Variants in PTBP3 observed in about 807,000 individuals in gnomAD.
PTBP3 encodes polypyrimidine tract-binding protein 3.
A neutral mutation model predicts 58.7 loss-of-function variants in PTBP3; 20 were observed. The observed-to-expected ratio is 0.34, with a 90% CI of 0.24 to 0.50. The LOEUF is 0.50. Among genes scored for constraint, PTBP3 ranks in the 20% least tolerant of loss-of-function variants. PTBP3 has a pLI of 0.98. For missense variants in PTBP3, 509 were observed against 637.2 expected (o/e 0.80, Z 2.17); for synonymous variants, 185 against 219.8 (o/e 0.84, Z 1.40).
In PTBP3 at chr9:112,321,019, T is replaced by C. The variant is rs73543892; in HGVS notation, c.-52+12451A>G. On this transcript the variant is annotated intron_variant, in intron 1 of 13. Coordinates refer to ENST00000374257, the MANE Select transcript of PTBP3 (RefSeq NM_001163788.4). ...TAACCTAAAAGGAAAAGAAATTAAATGTATCAAAATTAAATTCTTCTATTT... is the reference window on the plus strand; with the variant it reads ...TAACCTAAAAGGAAAAGAAATTAAACGTATCAAAATTAAATTCTTCTATTT... Among the ~76,000 whole-genome samples, 45 of 152,222 alleles carry C rather than the reference T, an allele frequency of 3.0e-4. 1 individual carries two copies. The highest frequency in any genetic ancestry group is 1.1e-3 in the African/African-American group (44 of 41,540).
the PTBP3 span, among the ~76,000 whole-genome samples, chr9:112,371,645 G>A: frequency 2.4e-5 from 2 of 83,988 alleles, no homozygotes; most frequent in African/African-American, 1.2e-4. Context: ...GTTTTTAGTA[G>A]ATTTTTTTTT....
the PTBP3 span, among the ~76,000 whole-genome samples, chr9:112,357,843 G>C: frequency 6.6e-6 from 1 of 152,088 alleles, no homozygotes; most frequent in African/African-American, 2.4e-5. Flanking sequence ...TTTGCCTCCA[G>C]AGGACATTTG....
At chr9:112,346,838 C>T in the PTBP3 span, among the ~76,000 whole-genome samples, 1 of 152,170 alleles carries the variant, frequency 6.6e-6, no homozygotes, top group Non-Finnish European at 1.5e-5. Flanking sequence ...ATTCTCCTGC[C>T]TCAGCCTCCT....
rs541304446 is a variant in PTBP3 at position 112,221,107 on chromosome 9, T to C, written c.*2744A>G. 139 of 985,640 alleles carry C rather than the reference T, an allele frequency of 1.4e-4. 1 individual carries two copies. In the South Asian group the frequency reaches 5.6e-3, roughly 40 times the overall value. 61.1% of individuals were successfully genotyped at this position (985,640 alleles called of 1,614,324 possible). A position where few individuals can be genotyped will look rare whatever the true frequency, so the allele number is the denominator to read the frequency against. ...AACATCCATGTGCTACAGCTAATTT[T>C]AGACACAAACTGATGGTTTCAAACA... On this transcript the variant is annotated 3_prime_UTR_variant, in exon 14 of 14. Transcript: ENST00000374257.
intron 2 of PTBP3, among the ~76,000 whole-genome samples, chr9:112,278,245 G>A (rs1827710401): frequency 6.6e-6 from 1 of 152,156 alleles, no homozygotes; most frequent in African/African-American, 2.4e-5. Context: ...GGCTTACATG[G>A]ATTGAGAATA....
chr9:112,295,368 T>G (rs1012257663), intron 2 of PTBP3, among the ~76,000 whole-genome samples: 2 of 151,578 alleles, frequency 1.3e-5, no homozygotes, highest in Non-Finnish European at 2.9e-5. Flanking sequence ...ATGCCTGTCA[T>G]TCCCATCATT....
intron 1 of PTBP3, chr9:112,330,345 T>C: frequency 3.1e-6 from 3 of 958,544 alleles, no homozygotes; most frequent in Non-Finnish European, 4.8e-6. Flanking sequence ...TTAAAGACTT[T>C]TACACAATAA....
downstream of PTBP3, chr9:112,218,318 T>A (rs910132589): frequency 1.3e-5 from 2 of 152,358 alleles, no homozygotes; most frequent in Non-Finnish European, 2.9e-5. Context: ...TGCTCACTAT[T>A]CACTAACCAT....
At chr9:112,232,014 G>C (rs3983404) in intron 9 of PTBP3, 85 bp downstream of exon 9, 1 of 584,118 alleles carries the variant, frequency 1.7e-6, no homozygotes, top group African/African-American at 6.0e-5. Context: ...GAGAAGAGAA[G>C]AGAAGAAAAG....
intron 1 of PTBP3, among the ~76,000 whole-genome samples, chr9:112,308,902 G>A (rs1459971969): frequency 6.6e-6 from 1 of 152,084 alleles, no homozygotes; most frequent in South Asian, 2.1e-4. Flanking sequence ...TGAAGCTCTC[G>A]CCTGCTGATG....
the PTBP3 span, among the ~76,000 whole-genome samples, chr9:112,339,290 C>CAAAAAAAAAA: frequency 4.2e-5 from 3 of 71,714 alleles, no homozygotes; most frequent in Non-Finnish European, 7.8e-5. Flanking sequence ...GACTCTGTCT[C>CAAAAAAAAAA]AAAAAAAAAA....
chr9:112,374,146 G>C, the PTBP3 span, among the ~76,000 whole-genome samples: 3 of 152,156 alleles, frequency 2.0e-5, no homozygotes, highest in Non-Finnish European at 4.4e-5. Context: ...TGGAGTAGTA[G>C]ACTGATTTCA....
At chr9:112,377,893 G>T in the PTBP3 span, among the ~76,000 whole-genome samples, 2 of 152,174 alleles carry the variant, frequency 1.3e-5, no homozygotes, top group African/African-American at 4.8e-5. Flanking sequence ...AGTTACATCT[G>T]CCAGGTTCCA....
chr9:112,250,651 C>G (rs1836073795), intron 7 of PTBP3, among the ~76,000 whole-genome samples: 1 of 152,112 alleles, frequency 6.6e-6, no homozygotes, highest in Non-Finnish European at 1.5e-5. Flanking sequence ...AATAAGACTA[C>G]TAATTTGAAG....
At chr9:112,254,682 C>T (rs1420830543) in intron 5 of PTBP3, among the ~76,000 whole-genome samples, 1 of 152,156 alleles carries the variant, frequency 6.6e-6, no homozygotes, top group East Asian at 1.9e-4. Flanking sequence ...TATCACCTAA[C>T]TTCCATTAGG....
At chr9:112,278,179 C>A (rs1827708012) in intron 2 of PTBP3, among the ~76,000 whole-genome samples, 1 of 152,118 alleles carries the variant, frequency 6.6e-6, no homozygotes, top group East Asian at 1.9e-4. Context: ...TTCAAAGTGT[C>A]TTACTACTCC....
At chr9:112,312,285 C>T (rs1159827410) in intron 1 of PTBP3, among the ~76,000 whole-genome samples, 1 of 151,858 alleles carries the variant, frequency 6.6e-6, no homozygotes, top group Non-Finnish European at 1.5e-5. Flanking sequence ...GAGTTCGAGA[C>T]CAGGCTGGGC....
intron 2 of PTBP3, among the ~76,000 whole-genome samples, chr9:112,294,399 T>C (rs1180834847): frequency 6.6e-6 from 1 of 152,086 alleles, no homozygotes; most frequent in East Asian, 1.9e-4. Context: ...ATGCCTGTAG[T>C]CCCAGCTACT....
intron 8 of PTBP3, 96 bp from the exon 9 acceptor site, chr9:112,232,334 A>T (rs1835279233): frequency 8.0e-7 from 1 of 1,256,256 alleles, no homozygotes; most frequent in African/African-American, 1.5e-5. Flanking sequence ...GGAAAACTAC[A>T]GAAAGAAAAT....
Sources: allele counts gnomAD v4.1 joint callset (sites outside exome capture counted in the v4.1 genomes callset), GRCh38; gene constraint gnomAD v4.1.1; transcripts MANE v1.5; gene names NCBI Gene and HGNC (gene_info 2026-07-23, HGNC 2026-07-21).